PTPRK: variants seen among roughly 807,000 people sequenced by gnomAD.
PTPRK encodes receptor-type tyrosine-protein phosphatase kappa.
Under a neutral mutation model 178.0 loss-of-function variants are expected in PTPRK, and 75 were observed. That is an observed-to-expected ratio of 0.42 (90% CI 0.35 to 0.51). The LOEUF is 0.51. PTPRK is among the 20% of genes least tolerant of loss of function. The pLI is 0.02. For synonymous variants in PTPRK, 637 were observed against 620.6 expected (o/e 1.03, Z -0.39); for missense variants, 1,441 against 1,797.8 (o/e 0.80, Z 3.59).
chr6:128,022,987 T>C (rs1007444751), intron 13 of PTPRK, among the ~76,000 whole-genome samples: 1 of 152,132 alleles, frequency 6.6e-6, no homozygotes, highest in Non-Finnish European at 1.5e-5. Context: ...ATACGGAGAT[T>C]AAAAACTTAC....
intron 3 of PTPRK, among the ~76,000 whole-genome samples, chr6:128,319,788 C>A (rs1828532073): frequency 6.6e-6 from 1 of 152,020 alleles, no homozygotes; most frequent in African/African-American, 2.4e-5. Context: ...AGAAAGAAAG[C>A]ACATAAATAT....
intron 14 of PTPRK, 131 bp from the exon 15 acceptor site, chr6:128,005,375 C>A: frequency 1.4e-6 from 1 of 711,812 alleles, no homozygotes; most frequent in South Asian, 3.4e-5. Flanking sequence ...AAGCACTGGT[C>A]ACAATTTCAG....
chr6:128,246,797 C>A (rs570024869), intron 3 of PTPRK, among the ~76,000 whole-genome samples: 1 of 152,180 alleles, frequency 6.6e-6, no homozygotes, highest in South Asian at 2.1e-4. Flanking sequence ...AATGAACAGG[C>A]TCTGCTTTCT....
chr6:128,056,239 A>G (rs1779869362), intron 13 of PTPRK, among the ~76,000 whole-genome samples: 1 of 151,830 alleles, frequency 6.6e-6, no homozygotes, highest in Non-Finnish European at 1.5e-5. Context: ...AGAAGTAGTC[A>G]ATGAGAAGGG....
chr6:128,445,322 T>G (rs1846860113), intron 1 of PTPRK, among the ~76,000 whole-genome samples: 1 of 136,102 alleles, frequency 7.3e-6, no homozygotes, highest in Non-Finnish European at 1.6e-5. Context: ...TAGCATTTAT[T>G]CTCATCCTTT....
chr6:128,219,600 G>A (rs1263121465), intron 5 of PTPRK, among the ~76,000 whole-genome samples: 28 of 152,302 alleles, frequency 1.8e-4, no homozygotes, highest in Admixed American at 1.8e-3. Context: ...GGGGACCCCT[G>A]CTCTAAAAGG....
intron 7 of PTPRK, among the ~76,000 whole-genome samples, chr6:128,132,324 G>A (rs967824473): frequency 3.3e-5 from 5 of 152,076 alleles, no homozygotes; most frequent in African/African-American, 4.8e-5. Context: ...ACAGGCACCC[G>A]CCACCTCGCC....
At chr6:128,043,790 A>C (rs1777592886) in intron 13 of PTPRK, among the ~76,000 whole-genome samples, 1 of 101,428 alleles carries the variant, frequency 9.9e-6, no homozygotes, top group Non-Finnish European at 2.1e-5. Context: ...TACATATAAA[A>C]GAATTAGAAG....
intron 7 of PTPRK, among the ~76,000 whole-genome samples, chr6:128,144,483 A>G (rs980896540): frequency 2.0e-5 from 3 of 152,144 alleles, no homozygotes; most frequent in Non-Finnish European, 4.4e-5. Flanking sequence ...TCCCCCAGAG[A>G]GTCACATGGC....
chr6:128,048,785 G>A (rs80034400), intron 13 of PTPRK, among the ~76,000 whole-genome samples: 2,790 of 152,150 alleles, frequency 0.018, 35 homozygotes, highest in Non-Finnish European at 0.027. Context: ...TTCATATCAG[G>A]GACTTGAGCA....
intron 6 of PTPRK, among the ~76,000 whole-genome samples, chr6:128,197,176 G>A (rs890539003): frequency 1.2e-5 from 1 of 82,082 alleles, no homozygotes; most frequent in Non-Finnish European, 2.3e-5. Context: ...AATCTCTTTT[G>A]TTTTTTTCTT....
At position 128,299,745 on chromosome 6, in the gene PTPRK, G is replaced by A. The variant is rs1234193610; in HGVS notation, c.495+22294C>T. Among the ~76,000 whole-genome samples the A allele has an allele frequency of 5.7e-3, 874 of 152,068 alleles. 9 individuals carry two copies. The highest frequency in any genetic ancestry group is 0.019 in the African/African-American group (803 of 41,396). ...TTCAAGATGGATTAAAGACTTAAAC[G>A]TTAGACCTAAAACCATAAAAACCCC... is the stretch of plus-strand genomic sequence containing the variant. On this transcript the variant is annotated intron_variant, in intron 3 of 29. Coordinates refer to ENST00000368226, the MANE Select transcript of PTPRK (RefSeq NM_002844.4).
intron 22 of PTPRK, among the ~76,000 whole-genome samples, chr6:127,985,029 G>A (rs1001545177): frequency 9.2e-5 from 14 of 152,116 alleles, no homozygotes; most frequent in East Asian, 3.9e-4. Context: ...AGGGAAGAGC[G>A]TATGAGAATG....
chr6:128,010,455 C>T (rs1778927265), intron 13 of PTPRK, among the ~76,000 whole-genome samples: 1 of 151,174 alleles, frequency 6.6e-6, no homozygotes, highest in African/African-American at 2.4e-5. Flanking sequence ...ACATTCTGAT[C>T]CTTTCTTCTT....
At chr6:128,009,584 C>T (rs1778830120) in intron 13 of PTPRK, among the ~76,000 whole-genome samples, 1 of 151,174 alleles carries the variant, frequency 6.6e-6, no homozygotes, top group African/African-American at 2.4e-5. Flanking sequence ...GCAACTAGTA[C>T]ATTGGAAAGA....
intron 3 of PTPRK, among the ~76,000 whole-genome samples, chr6:128,288,854 C>T (rs2128305924): frequency 6.6e-6 from 1 of 152,200 alleles, no homozygotes; most frequent in Non-Finnish European, 1.5e-5. Flanking sequence ...GCAAATACCA[C>T]TTTAGCACTT....
At chr6:128,351,248 A>G (rs1288786173) in intron 2 of PTPRK, among the ~76,000 whole-genome samples, 1 of 152,224 alleles carries the variant, frequency 6.6e-6, no homozygotes, top group East Asian at 1.9e-4. Flanking sequence ...CACGGGAAAA[A>G]GACATCTGTA....
chr6:128,370,745 C>CA (rs1186714315), intron 2 of PTPRK, among the ~76,000 whole-genome samples: 3 of 152,050 alleles, frequency 2.0e-5, no homozygotes, highest in Non-Finnish European at 4.4e-5. Flanking sequence ...ATTCATCTCA[C>CA]AAAAAAGCAC....
chr6:128,056,793 C>T (rs1027107756), intron 13 of PTPRK, among the ~76,000 whole-genome samples: 55 of 152,232 alleles, frequency 3.6e-4, no homozygotes, highest in African/African-American at 1.1e-3. Flanking sequence ...GAACTGCATA[C>T]ATATTGGGTG....
Sources: allele counts gnomAD v4.1 joint callset (sites outside exome capture counted in the v4.1 genomes callset), GRCh38; gene constraint gnomAD v4.1.1; transcripts MANE v1.5; gene names NCBI Gene and HGNC (gene_info 2026-07-23, HGNC 2026-07-21).